The following ZFAND3 variants were observed in gnomAD, a reference collection of about 807,000 sequenced individuals.
ZFAND3 encodes the protein zinc finger AN1-type containing 3, also known as AN1-type zinc finger protein 3.
A neutral mutation model predicts 29.6 loss-of-function variants in ZFAND3; 10 were observed. The ratio of observed to expected loss-of-function variants is 0.34; its 90% CI spans 0.21 to 0.57. The LOEUF (loss-of-function observed/expected upper bound fraction) is 0.57. Ranked by LOEUF, ZFAND3 falls within the 20% of genes least tolerant of loss-of-function variation. ZFAND3 has a pLI of 0.86. For missense variants in ZFAND3, 230 were observed against 304.5 expected, an observed-to-expected ratio of 0.76 and a Z score of 1.82; for synonymous variants, 128 against 112.6, an observed-to-expected ratio of 1.14 and a Z score of -0.87.
intron 5 of ZFAND3, among the ~76,000 whole-genome samples, chr6:38,117,255 C>CTTTTTTTTTTTTTTTTTTTTTTTTTTTTT (rs1562005614): frequency 8.1e-6 from 1 of 123,332 alleles, no homozygotes; most frequent in African/African-American, 3.0e-5. Flanking sequence ...CTTGAAATAG[C>CTTTTTTTTTTTTTTTTTTTTTTTTTTTTT]CTTTTTTTTT....
intron 4 of ZFAND3, among the ~76,000 whole-genome samples, chr6:38,108,633 C>T (rs1029954210): frequency 2.0e-5 from 3 of 152,154 alleles, no homozygotes; most frequent in African/African-American, 7.2e-5. Flanking sequence ...CAGACTTATC[C>T]CACCTTCTTC....
chr6:38,022,103 A>G (rs1285345634), intron 2 of ZFAND3, among the ~76,000 whole-genome samples: 2 of 152,182 alleles, frequency 1.3e-5, no homozygotes, highest in Non-Finnish European at 2.9e-5. Flanking sequence ...GCTCCTTATC[A>G]CCTGAGAGCT....
intron 4 of ZFAND3, among the ~76,000 whole-genome samples, chr6:38,110,581 T>C (rs1765295758): frequency 6.6e-6 from 1 of 152,190 alleles, no homozygotes; most frequent in African/African-American, 2.4e-5. Flanking sequence ...GGTTCGTTAA[T>C]TATTGCTCTT....
intron 4 of ZFAND3, among the ~76,000 whole-genome samples, chr6:38,098,620 C>G (rs1045267717): frequency 1.3e-5 from 2 of 152,014 alleles, no homozygotes; most frequent in African/African-American, 4.8e-5. Context: ...CCTGCCTCAG[C>G]CTCCCAAGTA....
At chr6:37,910,690 C>T (rs1218117250) in intron 1 of ZFAND3, among the ~76,000 whole-genome samples, 13 of 152,148 alleles carry the variant, frequency 8.5e-5, no homozygotes, top group African/African-American at 2.2e-4. Flanking sequence ...TTCCTCCTAA[C>T]TGAAATTTTA....
Position 38,135,482 on chromosome 6 carries a change from C to T in ZFAND3, c.530-16753C>T, listed in dbSNP as rs1457538145. 3.3e-5 allele frequency among the ~76,000 whole-genome samples: 5 copies of T among 152,296 alleles called. No individual in the cohort carries two copies. The South Asian group carries it at 8.3e-4, about 25-fold the overall frequency. ...ACGTGAGGCCGGCCGTGGTGGCTCA[C>T]GCCTGTAATCCCAGCACTTTGGGAG... On this transcript the variant is annotated intron_variant, in intron 5 of 5. Transcript: ENST00000287218.
At chr6:38,051,303 T>G (rs1389957483) in intron 2 of ZFAND3, among the ~76,000 whole-genome samples, 3 of 152,220 alleles carry the variant, frequency 2.0e-5, no homozygotes, top group African/African-American at 7.2e-5. Context: ...GATACAATTA[T>G]AGAAATAATC....
intron 2 of ZFAND3, among the ~76,000 whole-genome samples, chr6:38,052,478 A>G (rs955963500): frequency 6.6e-6 from 1 of 152,160 alleles, no homozygotes; most frequent in Admixed American, 6.5e-5. Context: ...ATATTTTTCA[A>G]CTTTGTGTGT....
At position 37,855,139 on chromosome 6, in the gene ZFAND3, A is replaced by C. The variant is rs185692844; in HGVS notation, c.71+35123A>C. Among the ~76,000 whole-genome samples the C allele has an allele frequency of 6.2e-3, 938 of 150,252 alleles. 6 individuals are homozygous for C. The highest frequency in any genetic ancestry group is 0.017 in the Middle Eastern group (5 of 292). On this transcript the variant is annotated intron_variant, in intron 1 of 5. Transcript: ENST00000287218. ...AGGGAGTCATTTTGGATTTTGTGGC[A>C]ATTTAATTTTTTTTTTTTTTTTTGA... is the stretch of plus-strand genomic sequence containing the variant.
At chr6:37,949,450 C>T (rs1264598285) in intron 2 of ZFAND3, among the ~76,000 whole-genome samples, 3 of 152,068 alleles carry the variant, frequency 2.0e-5, no homozygotes, top group Admixed American at 2.0e-4. Context: ...AAGCAGTGGA[C>T]ACCAGCCAGG....
intron 2 of ZFAND3, among the ~76,000 whole-genome samples, chr6:38,060,277 T>G (rs1284016554): frequency 6.6e-6 from 1 of 152,214 alleles, no homozygotes; most frequent in Non-Finnish European, 1.5e-5. Context: ...TATTTTATAA[T>G]GATCCTCTTC....
At chr6:37,990,795 A>G (rs1021077133) in intron 2 of ZFAND3, among the ~76,000 whole-genome samples, 3 of 152,234 alleles carry the variant, frequency 2.0e-5, no homozygotes, top group Non-Finnish European at 4.4e-5. Context: ...CATGTGGCCA[A>G]TGACAGCTGT....
rs9380707 is a variant in ZFAND3 at position 37,946,128 on chromosome 6, G to A, written c.112+16129G>A. On this transcript the variant is annotated intron_variant, in intron 2 of 5. Coordinates refer to ENST00000287218, the MANE Select transcript of ZFAND3 (RefSeq NM_021943.3). ...AGGGTATTCATTGTGGAGGTTCAGA[G>A]TGAGAGAATAATGGGGAATGTAAAA... Among the ~76,000 whole-genome samples the A allele has an allele frequency of 5.3e-5, 8 of 152,304 alleles. No homozygotes were observed. The East Asian group carries it at 1.5e-3, about 29-fold the overall frequency.
chr6:37,955,182 A>T (rs1762066314), intron 2 of ZFAND3, among the ~76,000 whole-genome samples: 1 of 144,168 alleles, frequency 6.9e-6, no homozygotes, highest in South Asian at 2.2e-4. Context: ...TCTCTAAGGG[A>T]ATCACTGTCC....
intron 2 of ZFAND3, among the ~76,000 whole-genome samples, chr6:37,937,724 TTC>T (rs560539408): frequency 1.8e-4 from 28 of 152,012 alleles, no homozygotes; most frequent in Admixed American, 1.8e-3. Flanking sequence ...AATAGAGTAT[TTC>T]TGTTTTTGTA....
At chr6:38,015,392 A>G (rs1346361930) in intron 2 of ZFAND3, among the ~76,000 whole-genome samples, 1 of 152,228 alleles carries the variant, frequency 6.6e-6, no homozygotes, top group Non-Finnish European at 1.5e-5. Flanking sequence ...TACTGCCTTC[A>G]TGAACAGTTT....
intron 2 of ZFAND3, among the ~76,000 whole-genome samples, chr6:38,045,340 C>T (rs749350256): frequency 5.7e-4 from 87 of 152,166 alleles, no homozygotes; most frequent in East Asian, 1.4e-3. Context: ...CCACCCAGCT[C>T]GGCCTTCCAA....
chr6:38,035,286 G>T (rs1763636722), intron 2 of ZFAND3, among the ~76,000 whole-genome samples: 1 of 152,026 alleles, frequency 6.6e-6, no homozygotes, highest in Non-Finnish European at 1.5e-5. Context: ...TTACTTTGCA[G>T]TCTCATTTTC....
intron 2 of ZFAND3, among the ~76,000 whole-genome samples, chr6:37,960,277 C>T (rs546164569): frequency 6.6e-6 from 1 of 152,352 alleles, no homozygotes; most frequent in African/African-American, 2.4e-5. Flanking sequence ...TGTCCTGCAA[C>T]ACAGGTAATT....
Sources: allele counts gnomAD v4.1 joint callset (sites outside exome capture counted in the v4.1 genomes callset), GRCh38; gene constraint gnomAD v4.1.1; transcripts MANE v1.5; gene names NCBI Gene and HGNC (gene_info 2026-07-23, HGNC 2026-07-21).